SDK1: variants seen among roughly 807,000 people sequenced by gnomAD.
SDK1 encodes the protein protein sidekick-1.
A neutral mutation model predicts 245.5 loss-of-function variants in SDK1; 157 were observed. The observed-to-expected ratio is 0.64, with a 90% CI of 0.56 to 0.73. The LOEUF (loss-of-function observed/expected upper bound fraction) is 0.73. Among genes scored for constraint, SDK1 ranks in the 30% least tolerant of loss-of-function variants. The pLI is 0.00. For synonymous variants in SDK1, 1,647 were observed against 1,278.5 expected, an observed-to-expected ratio of 1.29 and a Z score of -6.15; for missense variants, 3,583 against 3,002.3, an observed-to-expected ratio of 1.19 and a Z score of -4.52.
intron 11 of SDK1, among the ~76,000 whole-genome samples, chr7:3,970,887 C>CTTA (rs1319812853): frequency 1.3e-5 from 2 of 152,190 alleles, no homozygotes; most frequent in Admixed American, 6.5e-5. Context: ...CAGAGCAGGT[C>CTTA]CCCCTTAGAG....
At chr7:3,423,471 G>A (rs1316010776) in intron 1 of SDK1, among the ~76,000 whole-genome samples, 1 of 151,968 alleles carries the variant, frequency 6.6e-6, no homozygotes, top group Non-Finnish European at 1.5e-5. Flanking sequence ...GCTTTTATAA[G>A]ATAGATTTTT....
chr7:4,264,258 C>A (rs1788282075), intron 44 of SDK1, among the ~76,000 whole-genome samples: 1 of 83,718 alleles, frequency 1.2e-5, no homozygotes, highest in Non-Finnish European at 2.4e-5. Context: ...TAGACCTCTC[C>A]TGAGTGGGGA....
At chr7:3,411,864 A>T (rs1779218143) in intron 1 of SDK1, among the ~76,000 whole-genome samples, 1 of 152,160 alleles carries the variant, frequency 6.6e-6, no homozygotes, top group Non-Finnish European at 1.5e-5. Flanking sequence ...ACTAGGTATG[A>T]ACCCATTGCC....
At chr7:3,381,450 G>T (rs933891789) in intron 1 of SDK1, among the ~76,000 whole-genome samples, 3 of 152,044 alleles carry the variant, frequency 2.0e-5, no homozygotes, top group African/African-American at 7.2e-5. Context: ...GCGGGAGTGA[G>T]CCCCTCTCAA....
intron 14 of SDK1, among the ~76,000 whole-genome samples, chr7:4,004,379 C>G (rs1232625651): frequency 6.6e-6 from 1 of 152,094 alleles, no homozygotes; most frequent in Non-Finnish European, 1.5e-5. Flanking sequence ...AAATTTGCAC[C>G]TAATTTTTCC....
chr7:4,008,207 A>G (rs1206171569), intron 14 of SDK1, among the ~76,000 whole-genome samples: 1 of 152,226 alleles, frequency 6.6e-6, no homozygotes, highest in Non-Finnish European at 1.5e-5. Context: ...ATGTTCCGCC[A>G]TGTGTCCTAA....
chr7:3,690,901 T>C (rs1276344965), intron 4 of SDK1, among the ~76,000 whole-genome samples: 2 of 152,190 alleles, frequency 1.3e-5, no homozygotes, highest in African/African-American at 4.8e-5. Context: ...TAAAATACAC[T>C]CATATTATAG....
intron 5 of SDK1, among the ~76,000 whole-genome samples, chr7:3,894,731 C>T (rs1411366242): frequency 6.8e-6 from 1 of 147,474 alleles, no homozygotes; most frequent in African/African-American, 2.5e-5. Context: ...CGGAGTCTCA[C>T]TCTGTCCCCC....
Position 3,360,836 on chromosome 7 carries a change from G to A in SDK1, c.298+58952G>A, listed in dbSNP as rs552510457. ...GTAATTGTGAGTGCTGGGAGATAGT[G>A]GGGGGAGTTATAATTTAGGGAATTT... On this transcript the variant is annotated intron_variant, in intron 1 of 44. Coordinates refer to ENST00000404826, the MANE Select transcript of SDK1 (RefSeq NM_152744.4). Among the ~76,000 whole-genome samples, 9 of 152,044 alleles carry A rather than the reference G, an allele frequency of 5.9e-5. No individual in the cohort carries two copies. The South Asian group carries it at 1.9e-3, about 32-fold the overall frequency.
At chr7:4,144,800 G>A (rs947911499) in intron 28 of SDK1, among the ~76,000 whole-genome samples, 9 of 152,168 alleles carry the variant, frequency 5.9e-5, no homozygotes, top group Non-Finnish European at 1.0e-4. Flanking sequence ...TGATGAGACC[G>A]GAGCGCGGCT....
chr7:3,997,515 TC>T (rs1236736437), intron 14 of SDK1, among the ~76,000 whole-genome samples: 1 of 151,826 alleles, frequency 6.6e-6, no homozygotes, highest in African/African-American at 2.4e-5. Context: ...CGGCTGGTCG[TC>T]CCAGCATCTG....
At position 3,911,996 on chromosome 7, in the gene SDK1, CT is replaced by C. The variant is rs368572766; in HGVS notation, c.848-38925del. On this transcript the variant is annotated intron_variant, in intron 5 of 44. Transcript: ENST00000404826. ...GAGGGCATTCTAGGGAAGGGGCCAACTTGAGCAAGAGCTTGTAGGTGCGGGG... is the reference window on the plus strand; with the variant it reads ...GAGGGCATTCTAGGGAAGGGGCCAACTGAGCAAGAGCTTGTAGGTGCGGGG... 5.5e-3 allele frequency among the ~76,000 whole-genome samples: 837 copies of C among 152,210 alleles called. 10 individuals carry two copies. The highest frequency in any genetic ancestry group is 0.034 in the South Asian group (162 of 4,822).
intron 1 of SDK1, among the ~76,000 whole-genome samples, chr7:3,582,722 G>T (rs1780548625): frequency 7.3e-6 from 1 of 137,378 alleles, no homozygotes; most frequent in Non-Finnish European, 1.5e-5. Flanking sequence ...TACCATCAGG[G>T]CTAGTCTGAG....
intron 1 of SDK1, among the ~76,000 whole-genome samples, chr7:3,438,078 C>G (rs1311927598): frequency 6.6e-6 from 1 of 152,176 alleles, no homozygotes; most frequent in Non-Finnish European, 1.5e-5. Context: ...TTATTTACAG[C>G]TAACCCGCAC....
chr7:3,829,161 C>G (rs557426943), intron 5 of SDK1, among the ~76,000 whole-genome samples: 1 of 152,010 alleles, frequency 6.6e-6, no homozygotes, highest in African/African-American at 2.4e-5. Flanking sequence ...TTAAACTATA[C>G]CAGAAATTAT....
At chr7:4,100,812 A>C (rs1782488430) in intron 22 of SDK1, among the ~76,000 whole-genome samples, 1 of 152,166 alleles carries the variant, frequency 6.6e-6, no homozygotes, top group East Asian at 1.9e-4. Flanking sequence ...GGGAGGCTGG[A>C]CCGCTCGGCA....
chr7:4,093,252 TTA>T (rs1328635206), intron 22 of SDK1, among the ~76,000 whole-genome samples: 3 of 152,012 alleles, frequency 2.0e-5, no homozygotes, highest in African/African-American at 4.8e-5. Context: ...AATGCAAATG[TTA>T]TATGTTTTCA....
intron 5 of SDK1, among the ~76,000 whole-genome samples, chr7:3,823,734 A>G (rs1267640416): frequency 6.6e-6 from 1 of 152,214 alleles, no homozygotes; most frequent in Non-Finnish European, 1.5e-5. Context: ...GTGAGATACA[A>G]GGCAGTTGAT....
intron 42 of SDK1, among the ~76,000 whole-genome samples, chr7:4,238,386 C>T (rs1419208509): frequency 1.3e-5 from 2 of 151,848 alleles, no homozygotes; most frequent in East Asian, 2.0e-4. Flanking sequence ...AACCTAATCA[C>T]ATTTTTTAAT....
Sources: allele counts gnomAD v4.1 joint callset (sites outside exome capture counted in the v4.1 genomes callset), GRCh38; gene constraint gnomAD v4.1.1; transcripts MANE v1.5; gene names NCBI Gene and HGNC (gene_info 2026-07-23, HGNC 2026-07-21).